The following ZBTB7C variants were observed in gnomAD, a reference collection of about 807,000 sequenced individuals.
The protein encoded by ZBTB7C is zinc finger and BTB domain-containing protein 7C.
Under a neutral mutation model 25.7 loss-of-function variants are expected in ZBTB7C, and 8 were observed. The observed-to-expected ratio is 0.31, with a 90% CI of 0.18 to 0.56. The LOEUF is 0.56. Among genes scored for constraint, ZBTB7C ranks in the 20% least tolerant of loss-of-function variants. ZBTB7C has a pLI of 0.91. For synonymous variants in ZBTB7C, 394 were observed against 369.0 expected (o/e 1.07, Z -0.78); for missense variants, 824 against 855.2 (o/e 0.96, Z 0.46).
At chr18:48,262,120 C>T (rs1043232937) in intron 2 of ZBTB7C, among the ~76,000 whole-genome samples, 9 of 152,116 alleles carry the variant, frequency 5.9e-5, no homozygotes, top group Admixed American at 5.9e-4. Context: ...CTGAAATATC[C>T]TTACATCTAT....
chr18:48,040,352 G>A lies in ZBTB7C; in HGVS notation c.756C>T (p.Ala252=), dbSNP rs977859048. ...PDRRPSLSPF[A]PDFFPHLWPG... ...GCCAGAGGTGTGGAAAGAAGTCCGG[G>A]GCGAATGGAGACAAGGAGGGTCTCC... The change falls in exon 4 of 5, where the codon GCC becomes GCT. Residue 252 remains alanine (A), a synonymous_variant. Coordinates refer to ENST00000590800, the MANE Select transcript of ZBTB7C (RefSeq NM_001318841.2). 4 of 1,609,074 alleles carry A rather than the reference G, an allele frequency of 2.5e-6. No individual in the cohort carries two copies. In the African/African-American group the frequency reaches 5.3e-5, roughly 21 times the overall value.
At chr18:48,147,413 T>C (rs1256963778) in intron 3 of ZBTB7C, among the ~76,000 whole-genome samples, 1 of 152,202 alleles carries the variant, frequency 6.6e-6, no homozygotes, top group Non-Finnish European at 1.5e-5. Context: ...CCACTGAACG[T>C]AATCTGGATT....
Position 48,207,784 on chromosome 18 carries a change from G to A in ZBTB7C, c.-78-21789C>T, listed in dbSNP as rs1243953266. 3.3e-5 allele frequency among the ~76,000 whole-genome samples: 5 copies of A among 152,156 alleles called. 1 individual carries two copies. Among genetic ancestry groups the A allele is most frequent in the South Asian group, 4.1e-4 (2 of 4,826 alleles). On this transcript the variant is annotated intron_variant, in intron 2 of 4. Transcript: ENST00000590800. ...TATATTGTTAAGTGAAATATAAAAT[G>A]AGTGAATATGGCATGATTGCATTTA...
At chr18:48,341,303 C>G (rs1439566800) in intron 1 of ZBTB7C, among the ~76,000 whole-genome samples, 2 of 152,188 alleles carry the variant, frequency 1.3e-5, no homozygotes, top group Non-Finnish European at 2.9e-5. Context: ...GGTGGAACTG[C>G]CAGGGGCCTG....
At chr18:48,395,008 A>G (rs1301679524) in intron 1 of ZBTB7C, among the ~76,000 whole-genome samples, 1 of 152,162 alleles carries the variant, frequency 6.6e-6, no homozygotes, top group Non-Finnish European at 1.5e-5. Flanking sequence ...CCAAGAATGA[A>G]CTGACTCTTA....
Position 48,347,533 on chromosome 18 carries a change from T to C in ZBTB7C, c.-303-9135A>G, listed in dbSNP as rs576767711. Among the ~76,000 whole-genome samples the C allele has an allele frequency of 1.1e-4, 17 of 152,002 alleles. No individual in the cohort carries two copies. In the East Asian group the frequency reaches 2.9e-3, roughly 26 times the overall value. On this transcript the variant is annotated intron_variant, in intron 1 of 4. Coordinates refer to ENST00000590800, the MANE Select transcript of ZBTB7C (RefSeq NM_001318841.2). ...GTGCACCCACTCCCTCCTCTCCCCG[T>C]CAAGCAGCATGAATCCTCACCCTGC...
intron 3 of ZBTB7C, chr18:48,041,402 T>C (rs537701359): frequency 1.5e-4 from 147 of 985,446 alleles, no homozygotes; most frequent in Admixed American, 1.8e-4. Flanking sequence ...CTCTCAGGCT[T>C]GGTGTTACTG....
At chr18:48,224,408 T>A (rs778223827) in intron 2 of ZBTB7C, among the ~76,000 whole-genome samples, 2 of 152,126 alleles carry the variant, frequency 1.3e-5, no homozygotes, top group Admixed American at 6.5e-5. Flanking sequence ...AGAGGAAGGT[T>A]CATGGGACAC....
Position 48,338,804 on chromosome 18 carries a change from C to T in ZBTB7C, c.-303-406G>A, listed in dbSNP as rs79795410. Among the ~76,000 whole-genome samples the T allele has an allele frequency of 4.9e-3, 744 of 152,078 alleles. 7 individuals are homozygous for T. The highest frequency in any genetic ancestry group is 0.017 in the African/African-American group (714 of 41,498). On this transcript the variant is annotated intron_variant, in intron 1 of 4. Coordinates refer to ENST00000590800, the MANE Select transcript of ZBTB7C (RefSeq NM_001318841.2). The stretch of plus-strand genomic sequence containing the variant: ...GAAAGAGAAAGGAGATGCATGTTCT[C>T]GCATGTGAGATGTATATAGAAGTGC...
chr18:48,029,221 G>T lies in ZBTB7C; in HGVS notation c.*39C>A. The T allele has an allele frequency of 6.6e-7, 1 of 1,515,470 alleles. No homozygotes were observed. The highest frequency in any genetic ancestry group is 8.8e-7 in the Non-Finnish European group (1 of 1,141,806). 93.9% of individuals were successfully genotyped at this position (1,515,470 alleles called of 1,614,324 possible). On this transcript the variant is annotated 3_prime_UTR_variant, in exon 5 of 5. Coordinates refer to ENST00000590800, the MANE Select transcript of ZBTB7C (RefSeq NM_001318841.2). ...GGTAGAGTGGGCCTGGAGGGAGAAG[G>T]ACTGGAGGGCTGGTGGGCTGGAGCC...
intron 2 of ZBTB7C, among the ~76,000 whole-genome samples, chr18:48,260,356 G>A (rs1044970456): frequency 1.3e-5 from 2 of 152,322 alleles, no homozygotes; most frequent in African/African-American, 4.8e-5. Context: ...CACTAGGAGT[G>A]GGAGGATATG....
At chr18:48,411,749 C>T (rs1478010828), upstream of ZBTB7C, among the ~76,000 whole-genome samples, 2 of 152,196 alleles carry the variant, frequency 1.3e-5, no homozygotes, top group Non-Finnish European at 2.9e-5. Flanking sequence ...GTAAATTAGA[C>T]TCTAATAGTA....
At chr18:48,239,404 C>T (rs1181111073) in intron 2 of ZBTB7C, among the ~76,000 whole-genome samples, 1 of 152,212 alleles carries the variant, frequency 6.6e-6, no homozygotes, top group Non-Finnish European at 1.5e-5. Context: ...CTAGCACAAC[C>T]AGCATTCGAG....
At chr18:48,120,397 G>A (rs1015900304) in intron 3 of ZBTB7C, among the ~76,000 whole-genome samples, 60 of 152,058 alleles carry the variant, frequency 3.9e-4, no homozygotes, top group African/African-American at 1.4e-3. Context: ...AGGCTGAGGC[G>A]GGCGGATCAC....
At chr18:48,159,784 C>T (rs2040945293) in intron 3 of ZBTB7C, among the ~76,000 whole-genome samples, 1 of 152,198 alleles carries the variant, frequency 6.6e-6, no homozygotes, top group Non-Finnish European at 1.5e-5. Context: ...TCCCACATGC[C>T]ATAGTAGTCA....
At chr18:48,095,421 G>A (rs2038581381) in intron 3 of ZBTB7C, among the ~76,000 whole-genome samples, 1 of 152,158 alleles carries the variant, frequency 6.6e-6, no homozygotes, top group Admixed American at 6.5e-5. Flanking sequence ...ATGATTATTG[G>A]GCCGAGCACG....
chr18:48,072,798 G>A (rs1478123918), intron 3 of ZBTB7C, among the ~76,000 whole-genome samples: 1 of 152,206 alleles, frequency 6.6e-6, no homozygotes, highest in Non-Finnish European at 1.5e-5. Context: ...GAGGCAGCCG[G>A]CACTGCTGGG....
chr18:48,402,061 T>C (rs1338603535), intron 1 of ZBTB7C, among the ~76,000 whole-genome samples: 1 of 152,124 alleles, frequency 6.6e-6, no homozygotes, highest in Non-Finnish European at 1.5e-5. Flanking sequence ...GAATTCTATA[T>C]TTTATTCACT....
Position 48,041,109 on chromosome 18 carries a change from T to C in ZBTB7C, c.-2A>G. On this transcript the variant is annotated 5_prime_UTR_variant, in exon 4 of 5. Coordinates refer to ENST00000590800, the MANE Select transcript of ZBTB7C (RefSeq NM_001318841.2). ...GAGCTCATCAATGTCATTGGCCATG[T>C]TCTCAGCCAGAGCCCTGCAGAGACA... The C allele has an allele frequency of 6.3e-7, 1 of 1,592,186 alleles. No individual in the cohort carries two copies. Among genetic ancestry groups the C allele is most frequent in the Non-Finnish European group, 8.6e-7 (1 of 1,166,432 alleles).
Sources: gnomAD v4.1 joint callset for allele counts (sites outside exome capture counted in the v4.1 genomes callset) on GRCh38, gnomAD v4.1.1 for gene constraint, MANE v1.5 for transcripts, NCBI Gene and HGNC (gene_info 2026-07-23, HGNC 2026-07-21) for gene names.